The following CYFIP1 variants were observed in gnomAD, a reference collection of about 807,000 sequenced individuals.
The protein encoded by CYFIP1 is cytoplasmic FMR1 interacting protein 1.
A neutral mutation model predicts 163.5 loss-of-function variants in CYFIP1; 58 were observed. The ratio of observed to expected loss-of-function variants is 0.35; its 90% CI spans 0.29 to 0.44. The LOEUF is 0.44. CYFIP1 is among the 20% of genes least tolerant of loss of function. CYFIP1 has a pLI of 1.00. For synonymous variants in CYFIP1, 663 were observed against 660.7 expected, an observed-to-expected ratio of 1.00 and a Z score of -0.05; for missense variants, 1,338 against 1,653.8, an observed-to-expected ratio of 0.81 and a Z score of 3.31.
At position 22,938,856 on chromosome 15, in the gene CYFIP1, T is replaced by C. The variant is rs144249037; in HGVS notation, c.795+336A>G. On this transcript the variant is annotated intron_variant, in intron 8 of 30. Transcript: ENST00000617928. ...AGGTTGAGGCTATATTGGGCTGTGA[T>C]TGTGCCACTGCACTCCAGCCTGGGC... Among the ~76,000 whole-genome samples, 782 of 149,714 alleles carry C rather than the reference T, an allele frequency of 5.2e-3. 4 individuals carry two copies. The highest frequency in any genetic ancestry group is 0.018 in the African/African-American group (731 of 40,562).
intron 30 of CYFIP1, among the ~76,000 whole-genome samples, chr15:22,870,724 C>G (rs1239431644): frequency 6.6e-6 from 1 of 152,106 alleles, no homozygotes; most frequent in Non-Finnish European, 1.5e-5. Flanking sequence ...AATTGATAGG[C>G]CTATTCCTTC....
At chr15:22,947,313 C>G (rs1193880842) in intron 1 of CYFIP1, 22 bp from the exon 2 acceptor site, 4 of 1,607,276 alleles carry the variant, frequency 2.5e-6, no homozygotes, top group African/African-American at 1.3e-5. Flanking sequence ...CATAAGGACC[C>G]CTGTTCTGTG....
In CYFIP1 at chr15:22,893,037, T is replaced by A. The variant is rs539022277; in HGVS notation, c.2589-60A>T. On this transcript the variant is annotated intron_variant, in intron 22 of 30. Transcript: ENST00000617928. ...CAAATTTAACAATAGTTCTTTAAAA[T>A]TCAGAAGTCCTCCATAATCCATCTA... is the stretch of plus-strand genomic sequence containing the variant. The A allele has an allele frequency of 1.7e-5, 22 of 1,264,660 alleles. 1 individual carries two copies. The South Asian group carries it at 2.7e-4, about 15-fold the overall frequency. The allele number at this position is 1,264,660 out of a possible 1,614,324, so 78.3% of individuals were successfully genotyped here.
rs35929481 is a variant in CYFIP1, at chr15:22,898,246, A to C, written c.2589-5269T>G. On this transcript the variant is annotated intron_variant, in intron 22 of 30. Coordinates refer to ENST00000617928, the MANE Select transcript of CYFIP1 (RefSeq NM_014608.6). ...CCCTGTTACTCTATCATTCCAAATA[A>C]TTTAATTTAATTTTATTTATTTATT... Among the ~76,000 whole-genome samples the C allele has an allele frequency of 3.5e-3, 537 of 152,108 alleles. 4 individuals are homozygous for C. Among genetic ancestry groups the C allele is most frequent in the Non-Finnish European group, 6.0e-3 (406 of 67,992 alleles).
At chr15:22,953,082 C>T (rs1051829071) in intron 1 of CYFIP1, among the ~76,000 whole-genome samples, 5 of 152,252 alleles carry the variant, frequency 3.3e-5, no homozygotes, top group Non-Finnish European at 7.3e-5. Flanking sequence ...AAGGGCTCTC[C>T]GTCCGTGCAT....
intron 1 of CYFIP1, among the ~76,000 whole-genome samples, chr15:22,966,313 C>A (rs1408915323): frequency 1.3e-5 from 2 of 149,012 alleles, no homozygotes; most frequent in Non-Finnish European, 3.0e-5. Context: ...GCAGAGGTTG[C>A]GGTGGGCCCA....
Position 22,870,024 on chromosome 15 carries a change from G to C in CYFIP1, c.*4C>G. The stretch of plus-strand genomic sequence containing the variant: ...TGTTGAGTTACGGAGTGCAGCGCGT[G>C]CCCTCAGCTGCTGGCGAGGGACTGG... On this transcript the variant is annotated 3_prime_UTR_variant, in exon 31 of 31. Transcript: ENST00000617928. 3.8e-6 allele frequency: 6 copies of C among 1,596,754 alleles called. No homozygotes were observed. The highest frequency in any genetic ancestry group is 5.1e-6 in the Non-Finnish European group (6 of 1,174,324).
intron 11 of CYFIP1, among the ~76,000 whole-genome samples, chr15:22,930,801 T>A (rs144298532): frequency 6.6e-6 from 1 of 152,168 alleles, no homozygotes; most frequent in Non-Finnish European, 1.5e-5. Context: ...AAAAAGTTTA[T>A]AAAGTAAAAA....
chr15:22,977,486 AGG>A (rs1218588477), intron 1 of CYFIP1, among the ~76,000 whole-genome samples: 2 of 152,202 alleles, frequency 1.3e-5, no homozygotes, highest in African/African-American at 4.8e-5. Context: ...AAATTTTAAT[AGG>A]AAAAACAATG....
At chr15:22,897,410 C>T (rs982989267) in intron 22 of CYFIP1, among the ~76,000 whole-genome samples, 57 of 151,366 alleles carry the variant, frequency 3.8e-4, no homozygotes, top group Admixed American at 2.7e-3. Context: ...ATTTTTGGCA[C>T]TTGTAGGGAT....
Position 22,941,609 on chromosome 15 carries a change from T to C in CYFIP1, c.569+1564A>G, listed in dbSNP as rs151168844. On this transcript the variant is annotated intron_variant, in intron 6 of 30. Transcript: ENST00000617928. ...GTCTGGGAAGGTTAACCAACAGGGG[T>C]CCCAGATAGAGGTCAGAGGAAGAGG... is the stretch of plus-strand genomic sequence containing the variant. 2.9e-3 allele frequency among the ~76,000 whole-genome samples: 441 copies of C among 151,646 alleles called. 5 individuals carry two copies. The highest frequency in any genetic ancestry group is 0.011 in the South Asian group (53 of 4,780).
intron 23 of CYFIP1, among the ~76,000 whole-genome samples, chr15:22,885,762 C>T (rs1339968888): frequency 6.6e-6 from 1 of 152,018 alleles, no homozygotes; most frequent in Non-Finnish European, 1.5e-5. Flanking sequence ...AAAAAACATT[C>T]AACAAGTCTC....
intron 9 of CYFIP1, among the ~76,000 whole-genome samples, chr15:22,934,148 T>A (rs1438272569): frequency 8.8e-6 from 1 of 113,808 alleles, no homozygotes; most frequent in Admixed American, 1.1e-4. Flanking sequence ...TCCACAGTCA[T>A]AAAAAAAAAA....
intron 1 of CYFIP1, among the ~76,000 whole-genome samples, chr15:22,960,849 C>G (rs945712957): frequency 6.6e-6 from 1 of 152,200 alleles, no homozygotes; most frequent in African/African-American, 2.4e-5. Flanking sequence ...CACAATGTCT[C>G]TAAAGCTGCA....
At position 22,933,464 on chromosome 15, in the gene CYFIP1, A is replaced by G. The variant is rs554249728; in HGVS notation, c.992+338T>C. Among the ~76,000 whole-genome samples, 77 of 151,148 alleles carry G rather than the reference A, an allele frequency of 5.1e-4. 3 individuals are homozygous for G. The South Asian group carries it at 9.4e-3, about 19-fold the overall frequency. On this transcript the variant is annotated intron_variant, in intron 10 of 30. Coordinates refer to ENST00000617928, the MANE Select transcript of CYFIP1 (RefSeq NM_014608.6). ...CAAGTAGCTGGGACTACAGGCGCCC[A>G]CCACCACGCCCGGCTAATTTTTTCT...
chr15:22,962,249 T>G (rs1240586276), intron 1 of CYFIP1, among the ~76,000 whole-genome samples: 1 of 152,148 alleles, frequency 6.6e-6, no homozygotes, highest in Non-Finnish European at 1.5e-5. Context: ...TAGTAATGTT[T>G]AATGATGTCA....
intron 22 of CYFIP1, among the ~76,000 whole-genome samples, chr15:22,898,254 T>C (rs2060293845): frequency 6.6e-6 from 1 of 152,100 alleles, no homozygotes; most frequent in Non-Finnish European, 1.5e-5. Flanking sequence ...TAATTTAATT[T>C]AATTTTATTT....
At chr15:22,963,370 G>A (rs998756640) in intron 1 of CYFIP1, among the ~76,000 whole-genome samples, 11 of 152,038 alleles carry the variant, frequency 7.2e-5, no homozygotes, top group African/African-American at 2.4e-4. Flanking sequence ...GATGCCTGTA[G>A]TCCCAGCTAC....
chr15:22,924,306 C>T (rs1273868313), intron 13 of CYFIP1, among the ~76,000 whole-genome samples: 1 of 152,088 alleles, frequency 6.6e-6, no homozygotes, highest in Non-Finnish European at 1.5e-5. Flanking sequence ...TGCCTGTAAT[C>T]CCAGCTACTC....
Sources: gnomAD v4.1 joint callset for allele counts (sites outside exome capture counted in the v4.1 genomes callset) on GRCh38, gnomAD v4.1.1 for gene constraint, MANE v1.5 for transcripts, NCBI Gene and HGNC (gene_info 2026-07-23, HGNC 2026-07-21) for gene names.